The following TAFA2 variants were observed in gnomAD, a reference collection of about 807,000 sequenced individuals.
TAFA2 encodes the protein TAFA chemokine like family member 2, also known as chemokine-like protein TAFA-2.
A neutral mutation model predicts 18.8 loss-of-function variants in TAFA2; 7 were observed. That is an observed-to-expected ratio of 0.37 (90% confidence interval 0.21 to 0.70). The LOEUF (loss-of-function observed/expected upper bound fraction) is 0.70, where lower values mean the gene tolerates loss of function less well. Among genes scored for constraint, TAFA2 ranks in the 30% least tolerant of loss-of-function variants. The pLI, the probability that TAFA2 is intolerant of heterozygous loss-of-function variation, is 0.53. For synonymous variants in TAFA2, 60 were observed against 54.2 expected, an observed-to-expected ratio of 1.11 and a Z score of -0.47; for missense variants, 122 against 158.1, an observed-to-expected ratio of 0.77 and a Z score of 1.23.
chr12:61,895,534 A>C (rs1379748647), intron 1 of TAFA2, among the ~76,000 whole-genome samples: 2 of 152,310 alleles, frequency 1.3e-5, no homozygotes, highest in African/African-American at 2.4e-5. Flanking sequence ...TTTCCAAAGC[A>C]AGCACAAATA....
chr12:62,132,318 T>C (rs1247830098), intron 1 of TAFA2, among the ~76,000 whole-genome samples: 1 of 151,278 alleles, frequency 6.6e-6, no homozygotes, highest in African/African-American at 2.4e-5. Flanking sequence ...AAAAATGAGT[T>C]TCCAGGAGAC....
At chr12:62,112,086 T>TG (rs1869758185) in intron 1 of TAFA2, among the ~76,000 whole-genome samples, 1 of 152,200 alleles carries the variant, frequency 6.6e-6, no homozygotes, top group African/African-American at 2.4e-5. Context: ...ATAGTGTCGA[T>TG]GGTCTTTACA....
At chr12:62,024,272 C>T (rs957229825) in intron 1 of TAFA2, among the ~76,000 whole-genome samples, 8 of 152,056 alleles carry the variant, frequency 5.3e-5, no homozygotes, top group Admixed American at 3.9e-4. Context: ...GTATAAGTAA[C>T]CTGACTGTAG....
At position 62,059,137 on chromosome 12, in the gene TAFA2, A is replaced by ATGTGTGTGTGTGTGTGTG. The variant is rs779755647; in HGVS notation, c.-2+132121_-2+132122insCACACACACACACACACA. 4.0e-3 allele frequency among the ~76,000 whole-genome samples: 174 copies of ATGTGTGTGTGTGTGTGTG among 43,528 alleles called. 1 individual carries two copies. The highest frequency in any genetic ancestry group is 6.1e-3 in the Non-Finnish European group (139 of 22,812). 28.6% of individuals were successfully genotyped at this position (43,528 alleles called of 152,430 possible). Reference sequence around the variant, plus strand: ...AATAATAATATATATATATGTGTGTATATGTGTGTGTGTGTGTGTGTGTGT... The same window carrying ATGTGTGTGTGTGTGTGTG: ...AATAATAATATATATATATGTGTGTATGTGTGTGTGTGTGTGTGTATGTGTGTGTGTGTGTGTGTGTGT... On this transcript the variant is annotated intron_variant, in intron 1 of 4. Transcript: ENST00000416284.
rs185652130 is a variant in TAFA2 at position 62,256,668 on chromosome 12, T to C, written c.-130+2095A>G. On this transcript the variant is annotated intron_variant, in intron 1 of 5. Coordinates refer to the TAFA2 transcript ENST00000551619. ...CTCTTTGTAAAAGGCAGTGTTTTCA[T>C]CTTACTATATTTTCATTCTCTTTTT... 1.1e-4 allele frequency among the ~76,000 whole-genome samples: 17 copies of C among 152,382 alleles called. 1 individual carries two copies. In the East Asian group the frequency reaches 3.3e-3, roughly 29 times the overall value.
At chr12:61,988,143 C>A (rs1230599896) in intron 1 of TAFA2, among the ~76,000 whole-genome samples, 1 of 152,028 alleles carries the variant, frequency 6.6e-6, no homozygotes, top group Non-Finnish European at 1.5e-5. Flanking sequence ...GAACTTAGCA[C>A]CCTACTTCAC....
chr12:62,000,003 A>C (rs1426603379), intron 1 of TAFA2, among the ~76,000 whole-genome samples: 1 of 152,190 alleles, frequency 6.6e-6, no homozygotes, highest in Non-Finnish European at 1.5e-5. Context: ...CAAACAAATG[A>C]AAAATTAATA....
upstream of TAFA2, among the ~76,000 whole-genome samples, chr12:62,194,445 T>C (rs755981679): frequency 6.6e-6 from 1 of 152,198 alleles, no homozygotes; most frequent in Non-Finnish European, 1.5e-5. Flanking sequence ...TGTTTAAGTG[T>C]GGGACATTTT....
At chr12:61,919,219 A>T (rs1432351101) in intron 1 of TAFA2, among the ~76,000 whole-genome samples, 1 of 152,132 alleles carries the variant, frequency 6.6e-6, no homozygotes, top group Non-Finnish European at 1.5e-5. Flanking sequence ...ATATTTTGGA[A>T]ATAGAGCATA....
At chr12:62,181,873 C>T (rs577575438) in intron 1 of TAFA2, among the ~76,000 whole-genome samples, 1 of 152,162 alleles carries the variant, frequency 6.6e-6, no homozygotes, top group Non-Finnish European at 1.5e-5. Context: ...ATAGGAATCA[C>T]TTATGGAAAG....
chr12:62,147,316 G>GTATATATA (rs1375925311), intron 1 of TAFA2, among the ~76,000 whole-genome samples: 1 of 45,364 alleles, frequency 2.2e-5, no homozygotes, highest in Admixed American at 3.0e-4. Context: ...GTGTGTGTGT[G>GTATATATA]TGTATGTATG....
intron 1 of TAFA2, chr12:62,258,705 G>T (rs1249709122): frequency 1.5e-5 from 5 of 325,882 alleles, no homozygotes; most frequent in African/African-American, 9.0e-5. Flanking sequence ...TCAATTTTAT[G>T]ATTCAATTAA....
At chr12:61,873,898 C>G (rs1874727257) in intron 1 of TAFA2, among the ~76,000 whole-genome samples, 2 of 151,978 alleles carry the variant, frequency 1.3e-5, no homozygotes, top group South Asian at 2.1e-4. Flanking sequence ...TATTAAAGCA[C>G]AAGAGACTCA....
chr12:61,911,387 A>G (rs948528044), intron 1 of TAFA2, among the ~76,000 whole-genome samples: 1 of 152,150 alleles, frequency 6.6e-6, no homozygotes, highest in Non-Finnish European at 1.5e-5. Context: ...TCTTACACTC[A>G]TTATTCCCGT....
intron 1 of TAFA2, among the ~76,000 whole-genome samples, chr12:61,905,979 T>A (rs960565251): frequency 6.6e-6 from 1 of 152,186 alleles, no homozygotes; most frequent in Non-Finnish European, 1.5e-5. Flanking sequence ...TTAACATACA[T>A]CTTTACTACT....
At chr12:61,928,644 A>G (rs1356835803) in intron 1 of TAFA2, among the ~76,000 whole-genome samples, 1 of 152,172 alleles carries the variant, frequency 6.6e-6, no homozygotes, top group South Asian at 2.1e-4. Context: ...ATACCACTTG[A>G]CCCAGCAATC....
intron 1 of TAFA2, among the ~76,000 whole-genome samples, chr12:62,042,430 CGCGT>C (rs1291136001): frequency 0.013 from 1,194 of 94,614 alleles, 20 homozygotes; most frequent in African/African-American, 0.038. Context: ...TGTGTGTGTG[CGCGT>C]GTGTGTGTGT....
intron 4 of TAFA2, among the ~76,000 whole-genome samples, chr12:61,714,487 G>C (rs1206684388): frequency 6.6e-6 from 1 of 152,094 alleles, no homozygotes; most frequent in Non-Finnish European, 1.5e-5. Context: ...TAAGATCAAG[G>C]CACCCACTTA....
At chr12:61,951,977 G>A (rs562653615) in intron 1 of TAFA2, among the ~76,000 whole-genome samples, 14 of 152,068 alleles carry the variant, frequency 9.2e-5, no homozygotes, top group African/African-American at 3.1e-4. Context: ...ACCAAAGATC[G>A]CCAAGCCCAG....
Sources: gnomAD v4.1 joint callset for allele counts (sites outside exome capture counted in the v4.1 genomes callset) on GRCh38, gnomAD v4.1.1 for gene constraint, MANE v1.5 for transcripts, NCBI Gene and HGNC (gene_info 2026-07-23, HGNC 2026-07-21) for gene names.